The following DDX31 variants were observed in gnomAD, a reference collection of about 807,000 sequenced individuals.
DDX31 encodes ATP-dependent DNA helicase DDX31.
DDX31 carries 70 observed loss-of-function variants against 91.3 expected under a neutral mutation model. The ratio of observed to expected loss-of-function variants is 0.77; its 90% CI spans 0.63 to 0.94. The LOEUF (loss-of-function observed/expected upper bound fraction) is 0.94, where lower values mean the gene tolerates loss of function less well. Among genes scored for constraint, DDX31 ranks in the 40% least tolerant of loss-of-function variants. The pLI, the probability that DDX31 is intolerant of heterozygous loss-of-function variation, is 0.00. For missense variants in DDX31, 902 were observed against 925.0 expected (o/e 0.98, Z 0.32); for synonymous variants, 362 against 350.6 (o/e 1.03, Z -0.36).
rs1590076045 is a variant in DDX31, at chr9:132,650,317, C to A, written c.676-19G>T. The A allele has an allele frequency of 1.9e-6, 3 of 1,612,968 alleles. No individual in the cohort carries two copies. Among genetic ancestry groups the A allele is most frequent in the Non-Finnish European group, 2.5e-6 (3 of 1,178,912 alleles). ...TGAAAGGCTACAGAAAGACAGCAGACCACAGTCAGTGCAAAGCCCCCTTTA... is the reference window on the plus strand; with the variant it reads ...TGAAAGGCTACAGAAAGACAGCAGAACACAGTCAGTGCAAAGCCCCCTTTA... On this transcript the variant is annotated intron_variant, in intron 8 of 19. Transcript: ENST00000372159.
intron 14 of DDX31, among the ~76,000 whole-genome samples, chr9:132,634,149 A>T (rs1832956985): frequency 6.6e-6 from 1 of 152,238 alleles, no homozygotes; most frequent in Admixed American, 6.5e-5. Context: ...CTCTGGACAG[A>T]GGGATCTAGG....
intron 5 of DDX31, among the ~76,000 whole-genome samples, chr9:132,659,232 G>A (rs1224350641): frequency 1.3e-5 from 2 of 152,202 alleles, no homozygotes; most frequent in Non-Finnish European, 2.9e-5. Context: ...CCGAGCTGGT[G>A]GGAGTAAAGG....
At position 132,636,024 on chromosome 9, in the gene DDX31, C is replaced by A. The variant is rs1011390158; in HGVS notation, c.1441-3933G>T. The stretch of plus-strand genomic sequence containing the variant: ...TCGGAGGCAGGACTTGAGGGAGACA[C>A]CATCCCACCATCACTCCCCCAGAAG... On this transcript the variant is annotated intron_variant, in intron 14 of 19. Coordinates refer to ENST00000372159, the MANE Select transcript of DDX31 (RefSeq NM_022779.9). 7.2e-5 allele frequency among the ~76,000 whole-genome samples: 11 copies of A among 152,298 alleles called. No individual in the cohort carries two copies. The East Asian group carries it at 1.9e-3, about 27-fold the overall frequency.
chr9:132,630,782 C>T (rs1832672813), intron 15 of DDX31, among the ~76,000 whole-genome samples: 1 of 152,198 alleles, frequency 6.6e-6, no homozygotes, highest in African/African-American at 2.4e-5. Context: ...ACCACATGAC[C>T]TTGGCCTACT....
chr9:132,638,247 C>T (rs1833248376), intron 14 of DDX31: 2 of 1,591,296 alleles, frequency 1.3e-6, no homozygotes, highest in African/African-American at 1.3e-5. Flanking sequence ...GCCTTAAAAT[C>T]AGGTGGCTTA....
At chr9:132,609,545 G>A (rs1050777940) in intron 19 of DDX31, among the ~76,000 whole-genome samples, 14 of 152,212 alleles carry the variant, frequency 9.2e-5, no homozygotes, top group African/African-American at 3.4e-4. Flanking sequence ...CAGTCATAAA[G>A]GGAGATCATC....
intron 4 of DDX31, chr9:132,661,006 C>T: frequency 1.7e-6 from 1 of 583,932 alleles, no homozygotes; most frequent in South Asian, 2.1e-5. Flanking sequence ...GAGCCAAGGG[C>T]AGAACTGGAT....
intron 1 of DDX31, chr9:132,669,571 T>G: frequency 3.4e-6 from 5 of 1,468,848 alleles, no homozygotes; most frequent in Non-Finnish European, 4.5e-6. Flanking sequence ...AGGTCCTACC[T>G]TCCACGGGAA....
Position 132,595,153 on chromosome 9 carries a change from T to C in DDX31, c.1995-41A>G. ...AGCAGAGAGGGAAAAGAAACTTTAT[T>C]ATTTTTCTTTCCCATTTGGAAAGAG... On this transcript the variant is annotated intron_variant, in intron 19 of 19. Transcript: ENST00000372159. The surrounding 1 kb of genome is among the most constrained non-coding windows in gnomAD (Gnocchi z 4.6). The C allele has an allele frequency of 1.3e-6, 2 of 1,584,046 alleles. No homozygotes were observed. The highest frequency in any genetic ancestry group is 1.7e-4 in the Middle Eastern group (1 of 5,906).
intron 9 of DDX31, among the ~76,000 whole-genome samples, chr9:132,649,683 C>T (rs965879853): frequency 2.0e-5 from 3 of 152,190 alleles, no homozygotes; most frequent in Admixed American, 6.5e-5. Context: ...TTATAGACTA[C>T]ATGCATCATT....
intron 19 of DDX31, among the ~76,000 whole-genome samples, chr9:132,609,814 G>T (rs887287824): frequency 3.3e-5 from 5 of 152,052 alleles, no homozygotes; most frequent in Non-Finnish European, 5.9e-5. Context: ...TAGAGATGGG[G>T]TTTCACCATC....
intron 19 of DDX31, among the ~76,000 whole-genome samples, chr9:132,601,493 T>C (rs1320523912): frequency 6.6e-6 from 1 of 152,170 alleles, no homozygotes; most frequent in Non-Finnish European, 1.5e-5. Flanking sequence ...AGGACCACAA[T>C]GGCCATCCAT....
chr9:132,607,397 T>C (rs1256695735), intron 19 of DDX31, among the ~76,000 whole-genome samples: 1 of 152,226 alleles, frequency 6.6e-6, no homozygotes, highest in East Asian at 1.9e-4. Context: ...AGATTGCTGT[T>C]TAGTAATTTT....
intron 18 of DDX31, among the ~76,000 whole-genome samples, chr9:132,617,991 T>C (rs1831750883): frequency 6.6e-6 from 1 of 152,234 alleles, no homozygotes; most frequent in Admixed American, 6.5e-5. Flanking sequence ...CAACTATTTC[T>C]ACTAACGTGT....
intron 19 of DDX31, among the ~76,000 whole-genome samples, chr9:132,605,813 A>AC (rs1163275093): frequency 6.6e-6 from 1 of 152,014 alleles, no homozygotes; most frequent in Non-Finnish European, 1.5e-5. Context: ...CTTTGTGAGG[A>AC]GGGGGGTTTG....
chr9:132,655,288 T>C (rs892087099), intron 6 of DDX31, among the ~76,000 whole-genome samples: 1 of 152,044 alleles, frequency 6.6e-6, no homozygotes, highest in South Asian at 2.1e-4. Flanking sequence ...TACAATGAAA[T>C]GCTAGGCAGT....
At chr9:132,596,604 T>C (rs543200150) in intron 19 of DDX31, among the ~76,000 whole-genome samples, 82 of 152,330 alleles carry the variant, frequency 5.4e-4, no homozygotes, top group African/African-American at 1.9e-3. Flanking sequence ...GGTACGGTTA[T>C]TATCCTCATT....
intron 12 of DDX31, among the ~76,000 whole-genome samples, 165 bp from the exon 13 acceptor site, chr9:132,646,236 T>C (rs1340712688): frequency 2.0e-5 from 3 of 152,174 alleles, no homozygotes. Context: ...GATACTCCAC[T>C]CTACAAAGAA....
intron 19 of DDX31, among the ~76,000 whole-genome samples, chr9:132,598,533 T>C (rs969547916): frequency 1.3e-5 from 2 of 152,210 alleles, no homozygotes; most frequent in Non-Finnish European, 2.9e-5. Flanking sequence ...CAGATGCCAC[T>C]TGCACCACCA....
Sources: allele counts gnomAD v4.1 joint callset (sites outside exome capture counted in the v4.1 genomes callset), GRCh38; gene constraint gnomAD v4.1.1; non-coding constraint Gnocchi (gnomAD v3.1); transcripts MANE v1.5; gene names NCBI Gene and HGNC (gene_info 2026-07-23, HGNC 2026-07-21).